SASH1: variants seen among roughly 807,000 people sequenced by gnomAD.
SASH1 encodes SAM and SH3 domain-containing protein 1.
In SASH1, 44 loss-of-function variants were observed where a neutral mutation model predicts 125.2. The observed-to-expected ratio is 0.35, with a 90% CI of 0.28 to 0.45. SASH1 has a LOEUF of 0.45. Ranked by LOEUF, SASH1 falls within the 20% of genes least tolerant of loss-of-function variation. The pLI, the probability that SASH1 is intolerant of heterozygous loss-of-function variation, is 1.00. For synonymous variants in SASH1, 639 were observed against 649.1 expected, an observed-to-expected ratio of 0.98 and a Z score of 0.24; for missense variants, 1,426 against 1,614.5, an observed-to-expected ratio of 0.88 and a Z score of 2.00.
intron 1 of SASH1, among the ~76,000 whole-genome samples, chr6:148,374,303 G>A (rs952439856): frequency 6.6e-6 from 1 of 152,184 alleles, no homozygotes; most frequent in African/African-American, 2.4e-5. Context: ...TGGGAAGGAG[G>A]GGAGTAGGAA....
intron 1 of SASH1, among the ~76,000 whole-genome samples, chr6:148,295,032 C>T (rs374268486): frequency 1.4e-4 from 21 of 152,266 alleles, no homozygotes; most frequent in African/African-American, 5.1e-4. Context: ...GTCTTTTGTA[C>T]TAATAAGACC....
At chr6:148,299,729 A>G (rs1191659643) in intron 1 of SASH1, among the ~76,000 whole-genome samples, 1 of 151,880 alleles carries the variant, frequency 6.6e-6, no homozygotes, top group Non-Finnish European at 1.5e-5. Context: ...AAAATGATAT[A>G]AACATAAGAA....
At chr6:148,459,017 C>T (rs1562428791) in intron 4 of SASH1, among the ~76,000 whole-genome samples, 3 of 150,382 alleles carry the variant, frequency 2.0e-5, no homozygotes, top group African/African-American at 7.4e-5. Context: ...CACACACACA[C>T]ACACACCCTC....
chr6:148,516,751 A>G (rs1162976496), intron 9 of SASH1, among the ~76,000 whole-genome samples: 2 of 152,018 alleles, frequency 1.3e-5, no homozygotes, highest in Non-Finnish European at 2.9e-5. Flanking sequence ...GGCTAAAAGT[A>G]ATTGACTCCT....
chr6:148,332,564 A>G (rs1253600944), intron 1 of SASH1, among the ~76,000 whole-genome samples: 4 of 151,684 alleles, frequency 2.6e-5, no homozygotes, highest in African/African-American at 7.3e-5. Flanking sequence ...TCTGCCCTTT[A>G]AAACCAAGTA....
At chr6:148,367,191 G>A (rs994793592) in intron 1 of SASH1, among the ~76,000 whole-genome samples, 1 of 151,966 alleles carries the variant, frequency 6.6e-6, no homozygotes, top group African/African-American at 2.4e-5. Flanking sequence ...CCCAAAGTGC[G>A]GGGATTACAG....
At chr6:148,429,447 G>A (rs1403463092) in intron 2 of SASH1, among the ~76,000 whole-genome samples, 1 of 143,412 alleles carries the variant, frequency 7.0e-6, no homozygotes, top group Non-Finnish European at 1.5e-5. Flanking sequence ...TATTGGCAAA[G>A]TGATCCAATT....
chr6:148,474,835 A>G (rs1778271861), intron 7 of SASH1, among the ~76,000 whole-genome samples: 2 of 152,266 alleles, frequency 1.3e-5, no homozygotes, highest in East Asian at 3.9e-4. Context: ...GCCTCCCAAC[A>G]TGTTGGAATT....
In SASH1 at chr6:148,531,519, A is replaced by G. The variant is rs759659953; in HGVS notation, c.1429-7A>G. On this transcript the variant is annotated splice_region_variant and splice_polypyrimidine_tract_variant and intron_variant, in intron 12 of 19. Transcript: ENST00000367467. ...GAACTTCTTCATTTTGTTGAAACCC[A>G]TGGCAGGACTCGGGCCTTGATGGAA... The G allele has an allele frequency of 2.0e-6, 3 of 1,500,540 alleles. No homozygotes were observed. Among genetic ancestry groups the G allele is most frequent in the Middle Eastern group, 1.8e-4 (1 of 5,626 alleles). The allele number at this position is 1,500,540 out of a possible 1,614,324, so 93.0% of individuals were successfully genotyped here. A position where few individuals can be genotyped will look rare whatever the true frequency, so the allele number is the denominator to read the frequency against.
rs148740149 is a variant in SASH1, at chr6:148,392,707, A to T, written c.285+2445A>T. On this transcript the variant is annotated intron_variant, in intron 2 of 19. Transcript: ENST00000367467. ...GTTCACCAATTTAGTAGCTGCAGGG[A>T]TGGGAGTTAGTTTAAAGTTGACTGA... 4.4e-4 allele frequency among the ~76,000 whole-genome samples: 67 copies of T among 152,290 alleles called. No individual in the cohort carries two copies. The East Asian group carries it at 0.012, about 27-fold the overall frequency.
chr6:148,514,536 C>T (rs1246570074), intron 9 of SASH1, 80 bp downstream of exon 9: 1 of 1,362,432 alleles, frequency 7.3e-7, no homozygotes, highest in African/African-American at 1.6e-5. Context: ...GGGTCAGTTT[C>T]TCAGCAGAAA....
intron 1 of SASH1, among the ~76,000 whole-genome samples, chr6:148,311,252 G>A (rs192063870): frequency 0.1 from 15,781 of 151,600 alleles, 872 homozygotes; most frequent in Admixed American, 0.13. Context: ...GATTACAGGC[G>A]CCTGCCACTA....
chr6:148,304,946 G>A (rs1308479742), intron 1 of SASH1, among the ~76,000 whole-genome samples: 8 of 152,220 alleles, frequency 5.3e-5, no homozygotes, highest in East Asian at 3.9e-4. Flanking sequence ...CACCAGAATC[G>A]CGTGAACCCA....
chr6:148,389,889 T>C (rs945111136), intron 1 of SASH1, among the ~76,000 whole-genome samples: 9 of 152,194 alleles, frequency 5.9e-5, no homozygotes, highest in African/African-American at 2.2e-4. Flanking sequence ...CTGGGATTTG[T>C]GGGCAGTCGC....
In SASH1 at chr6:148,544,002, A is replaced by G. The variant is rs779087206; in HGVS notation, c.2532A>G (p.Gln844=). Residue 844 remains glutamine (Q), a synonymous_variant, in exon 18 of 20, where the codon CAA becomes CAG. Transcript: ENST00000367467. This position sits in a 1 kb window ranked among gnomAD's most constrained non-coding sequence, Gnocchi z 6.4. ...WPRSHSLDDL[Q]VEPGAEQDVP... Reference sequence around the variant, plus strand: ...GATCCCATTCCCTGGATGACCTTCAAGTGGAGCCTGGTGCTGAGCAAGACG... The same window carrying G: ...GATCCCATTCCCTGGATGACCTTCAGGTGGAGCCTGGTGCTGAGCAAGACG... 1.2e-6 allele frequency: 2 copies of G among 1,614,144 alleles called. No homozygotes were observed. Among genetic ancestry groups the G allele is most frequent in the African/African-American group, 2.7e-5 (2 of 75,036 alleles).
intron 1 of SASH1, among the ~76,000 whole-genome samples, chr6:148,295,884 T>C (rs1249926555): frequency 6.6e-6 from 1 of 152,230 alleles, no homozygotes; most frequent in African/African-American, 2.4e-5. Flanking sequence ...AGTGAAATTG[T>C]TAATTTTCAA....
At chr6:148,228,100 C>A in the SASH1 span, among the ~76,000 whole-genome samples, 6 of 152,174 alleles carry the variant, frequency 3.9e-5, no homozygotes, top group African/African-American at 1.4e-4. Context: ...TCTAAACATA[C>A]AATTTTTGAT....
At position 148,546,082 on chromosome 6, in the gene SASH1, G is replaced by T. The variant is rs535839024; in HGVS notation, c.3416G>T (p.Arg1139Leu). The T allele has an allele frequency of 6.2e-7, 1 of 1,614,246 alleles. No homozygotes were observed. The highest frequency in any genetic ancestry group is 8.5e-7 in the Non-Finnish European group (1 of 1,180,050). The change falls in exon 19 of 20, where the codon CGG becomes CTG. Residue 1139 changes from arginine (R) to leucine (L), a missense_variant. Arg to Leu is a moderately radical substitution (Grantham distance 102). Around this residue, in one of 3 missense-constraint regions of SASH1, gnomAD observed 634 missense variants for 694.4 expected, o/e 0.91. Transcript: ENST00000367467. ...RYAEDLDQPE[R>L]DVAANMDQIR... Reference sequence around the variant, plus strand: ...GCAGAGGACTTGGATCAGCCCGAGCGGGACGTCGCCGCCAACATGGACCAG... The same window carrying T: ...GCAGAGGACTTGGATCAGCCCGAGCTGGACGTCGCCGCCAACATGGACCAG...
intron 4 of SASH1, among the ~76,000 whole-genome samples, chr6:148,443,824 A>G (rs1776661089): frequency 1.3e-5 from 2 of 152,316 alleles, no homozygotes; most frequent in Admixed American, 6.5e-5. Flanking sequence ...TGAAGATGCA[A>G]ATAGACAATC....
Sources: gnomAD v4.1 joint callset for allele counts (sites outside exome capture counted in the v4.1 genomes callset) on GRCh38, gnomAD v4.1.1 for gene constraint, gnomAD v4.1.1 regional missense constraint, Gnocchi (gnomAD v3.1) non-coding constraint, MANE v1.5 for transcripts, NCBI Gene and HGNC (gene_info 2026-07-23, HGNC 2026-07-21) for gene names.